Variants in CERS3 observed in about 807,000 individuals in gnomAD.
CERS3 encodes the protein LAG1 homolog, ceramide synthase 3.
A neutral mutation model predicts 50.3 loss-of-function variants in CERS3; 33 were observed. That is an observed-to-expected ratio of 0.66 (90% CI 0.50 to 0.88). CERS3 has a LOEUF of 0.88. Ranked by LOEUF, CERS3 falls within the 40% of genes least tolerant of loss-of-function variation. The probability of loss-of-function intolerance (pLI) is 0.00; values close to 1 mark genes in which losing one functional copy is unlikely to be tolerated. For missense variants in CERS3, 470 were observed against 460.3 expected, an observed-to-expected ratio of 1.02 and a Z score of -0.19; for synonymous variants, 176 against 155.2, an observed-to-expected ratio of 1.13 and a Z score of -0.99.
chr15:100,467,808 CGTCTATATAT>C lies in CERS3; in HGVS notation c.845+1560_845+1569del, dbSNP rs1567639832. ...ACACATATATATGTATATATATATA[CGTCTATATAT>C]ATGTGTATATATATACGTGTATATA... On this transcript the variant is annotated intron_variant, in intron 10 of 11. Transcript: ENST00000679737. 4.0e-4 allele frequency among the ~76,000 whole-genome samples: 38 copies of C among 95,596 alleles called. No individual in the cohort carries two copies. In the South Asian group the frequency reaches 4.9e-3, roughly 12 times the overall value. 62.7% of individuals were successfully genotyped at this position (95,596 alleles called of 152,430 possible).
At chr15:100,542,934 G>C (rs1479628759) in intron 1 of CERS3, among the ~76,000 whole-genome samples, 1 of 152,036 alleles carries the variant, frequency 6.6e-6, no homozygotes, top group African/African-American at 2.4e-5. Context: ...TTGTTTTTGA[G>C]ATGGAGTCTT....
At chr15:100,433,775 G>C (rs2033261229) in intron 11 of CERS3, among the ~76,000 whole-genome samples, 1 of 152,214 alleles carries the variant, frequency 6.6e-6, no homozygotes, top group Non-Finnish European at 1.5e-5. Flanking sequence ...AACTGACATG[G>C]CAGGAACAAA....
intron 1 of CERS3, among the ~76,000 whole-genome samples, chr15:100,540,388 CA>C (rs2037171267): frequency 6.6e-6 from 1 of 152,110 alleles, no homozygotes; most frequent in Non-Finnish European, 1.5e-5. Flanking sequence ...ACTGAAAACA[CA>C]AAAAATTAGC....
rs139188688 is a variant in CERS3, at chr15:100,514,537, T to C, written c.-2+7130A>G. Among the ~76,000 whole-genome samples, 246 of 152,268 alleles carry C rather than the reference T, an allele frequency of 1.6e-3. 6 individuals are homozygous for C. In the East Asian group the frequency reaches 0.044, roughly 27 times the overall value. ...CACAATTTTTGAAAGCTACAGTTAA[T>C]AAATAACACTTCAATGTTAGTAATA... is the stretch of plus-strand genomic sequence containing the variant. On this transcript the variant is annotated intron_variant, in intron 2 of 11. Transcript: ENST00000679737.
intron 4 of CERS3, among the ~76,000 whole-genome samples, chr15:100,489,360 A>G (rs142106989): frequency 2.0e-3 from 309 of 152,280 alleles, no homozygotes; most frequent in African/African-American, 7.1e-3. Flanking sequence ...TAATCATGAA[A>G]AAGAAAGACT....
rs765570872 is a variant in CERS3, at chr15:100,490,803, G to C, written c.288+14C>G. The C allele has an allele frequency of 1.5e-5, 22 of 1,507,538 alleles. No individual in the cohort carries two copies. The highest frequency in any genetic ancestry group is 2.0e-5 in the Non-Finnish European group (22 of 1,084,416). The allele number at this position is 1,507,538 out of a possible 1,614,324, so 93.4% of individuals were successfully genotyped here. A position where few individuals can be genotyped will look rare whatever the true frequency, so the allele number is the denominator to read the frequency against. Reference sequence around the variant, plus strand: ...GAAGATTTTTAAGTCGAAAAGCAAAGAATTTGTACTTACTTGCAATGGTTG... The same window carrying C: ...GAAGATTTTTAAGTCGAAAAGCAAACAATTTGTACTTACTTGCAATGGTTG... On this transcript the variant is annotated intron_variant, in intron 4 of 11. Transcript: ENST00000679737.
At chr15:100,405,240 A>AC (rs1480416353) in intron 11 of CERS3, among the ~76,000 whole-genome samples, 5 of 70,894 alleles carry the variant, frequency 7.1e-5, no homozygotes, top group African/African-American at 1.6e-4. Context: ...TGGTAAAAAA[A>AC]AAAAAAAACA....
chr15:100,494,264 TTGAGA>T (rs2035745488), intron 3 of CERS3, among the ~76,000 whole-genome samples: 1 of 126,092 alleles, frequency 7.9e-6, no homozygotes, highest in African/African-American at 2.9e-5. Context: ...TATATTTGTT[TTGAGA>T]TGGAGTCTTG....
In CERS3 at chr15:100,505,262, G is replaced by A. The variant is rs147716159; in HGVS notation, c.-1-3412C>T. ...TGCTCACCTGTAAAACACAACTCAA[G>A]GCAGTACAGATTATTTTGTATCATG... On this transcript the variant is annotated intron_variant, in intron 2 of 11. Transcript: ENST00000679737. Among the ~76,000 whole-genome samples, 85 of 152,266 alleles carry A rather than the reference G, an allele frequency of 5.6e-4. 1 individual carries two copies. Among genetic ancestry groups the A allele is most frequent in the African/African-American group, 2.0e-3 (82 of 41,542 alleles).
Position 100,490,796 on chromosome 15 carries a change from A to G in CERS3, c.288+21T>C, listed in dbSNP as rs74041468. On this transcript the variant is annotated intron_variant, in intron 4 of 11. Coordinates refer to ENST00000679737, the MANE Select transcript of CERS3 (RefSeq NM_001378789.1). ...TAAGAAAGAAGATTTTTAAGTCGAA[A>G]AGCAAAGAATTTGTACTTACTTGCA... The G allele has an allele frequency of 1.4e-3, 2,071 of 1,461,990 alleles. 36 individuals carry two copies. The African/African-American group carries it at 0.024, about 17-fold the overall frequency. The allele number at this position is 1,461,990 out of a possible 1,614,324, so 90.6% of individuals were successfully genotyped here. A position where few individuals can be genotyped will look rare whatever the true frequency, so the allele number is the denominator to read the frequency against.
chr15:100,403,551 A>C (rs935606661), intron 11 of CERS3, among the ~76,000 whole-genome samples: 7 of 152,210 alleles, frequency 4.6e-5, no homozygotes, highest in African/African-American at 1.7e-4. Context: ...ACAGTAAAGA[A>C]AAAGAAGACA....
At chr15:100,440,914 A>G (rs1415189730) in intron 11 of CERS3, among the ~76,000 whole-genome samples, 2 of 152,162 alleles carry the variant, frequency 1.3e-5, no homozygotes, top group East Asian at 1.9e-4. Context: ...TTATCCATGG[A>G]CCCAAAACTC....
At chr15:100,424,010 C>T (rs543480188) in intron 11 of CERS3, among the ~76,000 whole-genome samples, 9 of 149,106 alleles carry the variant, frequency 6.0e-5, no homozygotes, top group East Asian at 6.0e-4. Context: ...GGCACCATCT[C>T]GGCTCACCAC....
chr15:100,403,814 A>G (rs1040121580), intron 11 of CERS3, among the ~76,000 whole-genome samples: 1 of 152,246 alleles, frequency 6.6e-6, no homozygotes, highest in African/African-American at 2.4e-5. Context: ...TGAAACACAC[A>G]AAGGAGAAAT....
In CERS3 at chr15:100,484,554, C is replaced by G. The variant is rs1234565098; in HGVS notation, c.403G>C (p.Ala135Pro). ...AGCTTGGCCCATCCTCCTTACCAAG[C>G]TTCCTGGAATTTCTTCAGCCTGGAA... ...RPSRLKKFQE[A>P]CWRFAFYLMI... Residue 135 changes from alanine (A) to proline (P), a missense_variant, in exon 5 of 12, where the codon GCT (alanine) becomes CCT (proline). Physicochemically the swap from Ala to Pro is conservative, Grantham distance 27. Transcript: ENST00000679737. The G allele has an allele frequency of 4.3e-6, 7 of 1,610,076 alleles. No homozygotes were observed. The highest frequency in any genetic ancestry group is 6.0e-6 in the Non-Finnish European group (7 of 1,176,416).
At position 100,501,756 on chromosome 15, in the gene CERS3, C is replaced by A; in HGVS notation, c.94G>T (p.Val32Phe). ...TATAAATGAGAAGGTTTTACAAAGA[C>A]GAGTCCATCGTGATCCTCAAGATCT... ...WSDLEDHDGL[V>F]FVKPSHLYVT... The change falls in exon 3 of 12, where the codon GTC becomes TTC. Residue 32 changes from valine to phenylalanine, a missense_variant. Transcript: ENST00000679737. 2 of 1,613,992 alleles carry A rather than the reference C, an allele frequency of 1.2e-6. No homozygotes were observed. Among genetic ancestry groups the A allele is most frequent in the Non-Finnish European group, 1.7e-6 (2 of 1,179,880 alleles).
At chr15:100,465,201 A>G (rs1282289139) in intron 10 of CERS3, among the ~76,000 whole-genome samples, 7 of 152,112 alleles carry the variant, frequency 4.6e-5, no homozygotes, top group Non-Finnish European at 1.0e-4. Flanking sequence ...TGCCGCCCAC[A>G]GTGCCTCTAA....
intron 11 of CERS3, among the ~76,000 whole-genome samples, chr15:100,430,307 G>T (rs76622648): frequency 0.27 from 40,900 of 149,222 alleles, 5,759 homozygotes; most frequent in East Asian, 0.41. Context: ...GCGAGACTCC[G>T]TCTCAAAAAA....
intron 9 of CERS3, among the ~76,000 whole-genome samples, chr15:100,470,236 G>A (rs2034919846): frequency 6.6e-6 from 1 of 152,128 alleles, no homozygotes; most frequent in African/African-American, 2.4e-5. Flanking sequence ...CTGGGGCACA[G>A]ATCACTCTTC....
Sources: gnomAD v4.1 joint callset for allele counts (sites outside exome capture counted in the v4.1 genomes callset) on GRCh38, gnomAD v4.1.1 for gene constraint, MANE v1.5 for transcripts, NCBI Gene and HGNC (gene_info 2026-07-23, HGNC 2026-07-21) for gene names.